Variants in MRTFB observed in about 807,000 individuals in gnomAD.
MRTFB encodes the protein myocardin related transcription factor B, also known as myocardin-related transcription factor B.
Under a neutral mutation model 104.2 loss-of-function variants are expected in MRTFB, and 29 were observed. The observed-to-expected ratio is 0.28, with a 90% CI of 0.21 to 0.38. The LOEUF is 0.38. Among genes scored for constraint, MRTFB ranks in the 10% least tolerant of loss-of-function variants. The pLI, the probability that MRTFB is intolerant of heterozygous loss-of-function variation, is 1.00. For synonymous variants in MRTFB, 535 were observed against 519.5 expected, an observed-to-expected ratio of 1.03 and a Z score of -0.41; for missense variants, 1,270 against 1,341.6, an observed-to-expected ratio of 0.95 and a Z score of 0.83.
At chr16:14,126,837 C>T (rs1373850663) in intron 2 of MRTFB, among the ~76,000 whole-genome samples, 5 of 152,274 alleles carry the variant, frequency 3.3e-5, no homozygotes, top group African/African-American at 9.6e-5. Flanking sequence ...TTAACCATCA[C>T]AGTTCTAATT....
rs757753392 is a variant in MRTFB, at chr16:14,213,530, T to C, written c.277-15T>C. Reference sequence around the variant, plus strand: ...TAATAAATGATTTATGGTAAGACTTTTTTTCTTTTTAAAGACTGAAAACTT... The same window carrying C: ...TAATAAATGATTTATGGTAAGACTTCTTTTCTTTTTAAAGACTGAAAACTT... On this transcript the variant is annotated splice_polypyrimidine_tract_variant and intron_variant, in intron 5 of 16. Transcript: ENST00000571589. 1.3e-6 allele frequency: 2 copies of C among 1,569,732 alleles called. No homozygotes were observed. The highest frequency in any genetic ancestry group is 1.7e-6 in the Non-Finnish European group (2 of 1,156,458).
intron 2 of MRTFB, among the ~76,000 whole-genome samples, chr16:14,095,156 C>T (rs1288537321): frequency 6.6e-6 from 1 of 152,186 alleles, no homozygotes; most frequent in East Asian, 1.9e-4. Flanking sequence ...ATACCCAGTC[C>T]TGCCACAGTG....
the MRTFB span, among the ~76,000 whole-genome samples, chr16:13,997,515 C>T: frequency 1.1e-4 from 16 of 152,242 alleles, no homozygotes; most frequent in African/African-American, 3.6e-4. Flanking sequence ...GAATTTTCAG[C>T]TAGGCGTGGC....
At chr16:14,103,790 G>A (rs2035826275) in intron 2 of MRTFB, among the ~76,000 whole-genome samples, 1 of 152,162 alleles carries the variant, frequency 6.6e-6, no homozygotes, top group South Asian at 2.1e-4. Flanking sequence ...GCATAAATTA[G>A]GTGTTGAAAT....
chr16:14,026,860 A>T, the MRTFB span, among the ~76,000 whole-genome samples: 1 of 137,656 alleles, frequency 7.3e-6, no homozygotes, highest in Non-Finnish European at 1.6e-5. Flanking sequence ...CTACAACAAC[A>T]CACGTATTAG....
intron 9 of MRTFB, among the ~76,000 whole-genome samples, chr16:14,234,888 T>C (rs990553814): frequency 1.3e-5 from 2 of 152,200 alleles, no homozygotes; most frequent in Admixed American, 6.5e-5. Context: ...AAAACAGATT[T>C]AAACTTTTTA....
At chr16:14,115,290 G>C (rs898568589) in intron 2 of MRTFB, among the ~76,000 whole-genome samples, 1 of 152,114 alleles carries the variant, frequency 6.6e-6, no homozygotes. Flanking sequence ...TGTGAAATAT[G>C]TATTTTTTTA....
At chr16:14,258,197 T>C (rs1238052206) in intron 16 of MRTFB, 36 bp downstream of exon 16, 2 of 1,579,256 alleles carry the variant, frequency 1.3e-6, no homozygotes, top group South Asian at 1.1e-5. Context: ...TCCCAGGAAG[T>C]CATCTCTTAA....
chr16:14,197,049 A>G (rs538880681), intron 3 of MRTFB, among the ~76,000 whole-genome samples: 2 of 141,850 alleles, frequency 1.4e-5, no homozygotes, highest in East Asian at 4.1e-4. Flanking sequence ...GGCTCACTAC[A>G]ACCTCTGCCT....
chr16:14,174,372 T>C (rs2039515903), intron 3 of MRTFB, among the ~76,000 whole-genome samples: 1 of 152,164 alleles, frequency 6.6e-6, no homozygotes, highest in Admixed American at 6.5e-5. Flanking sequence ...TTTGATTATA[T>C]AGCTTTTAGC....
intron 5 of MRTFB, among the ~76,000 whole-genome samples, chr16:14,212,794 A>C (rs531336384): frequency 6.6e-6 from 1 of 152,190 alleles, no homozygotes; most frequent in Admixed American, 6.5e-5. Flanking sequence ...TGATTTCCCT[A>C]CTGGGTCTTT....
At chr16:14,159,077 A>C (rs1338235283) in intron 3 of MRTFB, among the ~76,000 whole-genome samples, 1 of 151,966 alleles carries the variant, frequency 6.6e-6, no homozygotes, top group Non-Finnish European at 1.5e-5. Context: ...GGAATTGGTG[A>C]GCCAGGATCA....
chr16:14,036,022 C>T, the MRTFB span, among the ~76,000 whole-genome samples: 1 of 148,616 alleles, frequency 6.7e-6, no homozygotes, highest in African/African-American at 2.5e-5. Flanking sequence ...ATAATAGTCT[C>T]CAATTCCATG....
At chr16:14,141,032 C>T (rs1056503103) in intron 3 of MRTFB, 5 of 344,288 alleles carry the variant, frequency 1.5e-5, no homozygotes, top group Admixed American at 8.3e-5. Context: ...CAGATGATTT[C>T]ATGCTGGAAT....
chr16:14,072,050 G>C (rs2033735322), intron 1 of MRTFB, among the ~76,000 whole-genome samples: 1 of 152,178 alleles, frequency 6.6e-6, no homozygotes, highest in South Asian at 2.1e-4. Flanking sequence ...TGTGCTGGTA[G>C]TGGGGTGTCA....
intron 2 of MRTFB, among the ~76,000 whole-genome samples, chr16:14,136,461 A>G (rs996823542): frequency 1.3e-5 from 2 of 152,148 alleles, no homozygotes; most frequent in African/African-American, 4.8e-5. Context: ...TGCTTGGTAC[A>G]CAGTAGGATC....
chr16:14,095,224 A>G (rs1332174531), intron 2 of MRTFB, among the ~76,000 whole-genome samples: 2 of 152,228 alleles, frequency 1.3e-5, no homozygotes, highest in African/African-American at 4.8e-5. Flanking sequence ...GAGAATAATA[A>G]CCACACTGAG....
At chr16:14,233,769 G>A (rs1003956826) in intron 8 of MRTFB, among the ~76,000 whole-genome samples, 1 of 130,732 alleles carries the variant, frequency 7.6e-6, no homozygotes, top group Non-Finnish European at 1.6e-5. Flanking sequence ...CAGCCTGAGT[G>A]AGACTCCCTC....
At chr16:14,068,761 T>C (rs1433721679), upstream of MRTFB, among the ~76,000 whole-genome samples, 1 of 152,158 alleles carries the variant, frequency 6.6e-6, no homozygotes, top group Non-Finnish European at 1.5e-5. Context: ...TGGTAGAGCA[T>C]TACTTCTGGG....
Sources: allele counts gnomAD v4.1 joint callset (sites outside exome capture counted in the v4.1 genomes callset), GRCh38; gene constraint gnomAD v4.1.1; transcripts MANE v1.5; gene names NCBI Gene and HGNC (gene_info 2026-07-23, HGNC 2026-07-21).